The following VCPIP1 variants were observed in gnomAD, a reference collection of about 807,000 sequenced individuals.
The protein encoded by VCPIP1 is deubiquitinating protein VCPIP1.
VCPIP1 carries 8 observed loss-of-function variants against 85.0 expected under a neutral mutation model. The observed-to-expected ratio is 0.09, with a 90% confidence interval of 0.06 to 0.17. VCPIP1 has a LOEUF of 0.17. Ranked by LOEUF, VCPIP1 falls within the 10% of genes least tolerant of loss-of-function variation. The pLI is 1.00. For synonymous variants in VCPIP1, 543 were observed against 544.5 expected (o/e 1.00, Z 0.04); for missense variants, 1,070 against 1,486.3 (o/e 0.72, Z 4.61).
chr8:66,665,711 A>G lies in VCPIP1; in HGVS notation c.1248T>C (p.Ala416=). The G allele has an allele frequency of 6.2e-7, 1 of 1,614,156 alleles. No homozygotes were observed. Among genetic ancestry groups the G allele is most frequent in the Non-Finnish European group, 8.5e-7 (1 of 1,180,008 alleles). Residue 416 remains alanine (A), a synonymous_variant, in exon 1 of 3, where the codon GCT becomes GCC. Coordinates refer to ENST00000310421, the MANE Select transcript of VCPIP1 (RefSeq NM_025054.5). The surrounding 1 kb of genome is among the most constrained non-coding windows in gnomAD (Gnocchi z 4.3). ...QDKYLLRLVA[A]MEEVFMDKHG... is the part of the protein sequence containing the mutation. ...GTTTGTCCATAAAGACTTCTTCCAT[A>G]GCAGCAACAAGCCTAAGTAAGTATT...
intron 1 of VCPIP1, among the ~76,000 whole-genome samples, chr8:66,654,109 T>G (rs539914161): frequency 8.5e-5 from 13 of 152,322 alleles, no homozygotes; most frequent in Non-Finnish European, 5.9e-5. Context: ...ACACAGCTAG[T>G]AAGTGGGAGA....
At position 66,666,206 on chromosome 8, in the gene VCPIP1, G is replaced by A. The variant is rs1321542367; in HGVS notation, c.753C>T (p.Ala251=). The A allele has an allele frequency of 1.2e-6, 2 of 1,613,840 alleles. No individual in the cohort carries two copies. The highest frequency in any genetic ancestry group is 4.5e-5 in the East Asian group (2 of 44,874). The change falls in exon 1 of 3, where the codon GCC becomes GCT. Residue 251 remains alanine, a synonymous_variant. Transcript: ENST00000310421. The surrounding 1 kb of genome is among the most constrained non-coding windows in gnomAD (Gnocchi z 6.3). ...NLKQHFQQHL[A]RYQALFHDFI... The stretch of plus-strand genomic sequence containing the variant: ...AGTCATGGAACAGAGCTTGATATCG[G>A]GCCAGGTGCTGCTGAAAGTGCTGTT...
chr8:66,646,374 C>T (rs1810995782), intron 2 of VCPIP1, among the ~76,000 whole-genome samples: 1 of 152,074 alleles, frequency 6.6e-6, no homozygotes, highest in Non-Finnish European at 1.5e-5. Flanking sequence ...GCCCAAAATG[C>T]ATTTAATACC....
At chr8:66,663,322 T>C (rs1811175968) in intron 1 of VCPIP1, among the ~76,000 whole-genome samples, 1 of 152,124 alleles carries the variant, frequency 6.6e-6, no homozygotes, top group South Asian at 2.1e-4. Context: ...CATATAGTAC[T>C]ATCAGAAAAC....
At chr8:66,657,025 C>A (rs1006387403) in intron 1 of VCPIP1, among the ~76,000 whole-genome samples, 11 of 152,198 alleles carry the variant, frequency 7.2e-5, no homozygotes, top group African/African-American at 2.2e-4. Flanking sequence ...CGTGCCTCAG[C>A]CTCCCGAGTA....
intron 2 of VCPIP1, among the ~76,000 whole-genome samples, chr8:66,645,759 C>CA (rs1179669993): frequency 0.22 from 12,668 of 57,420 alleles, 1,311 homozygotes; most frequent in African/African-American, 0.31. Flanking sequence ...CCTGTCTCTA[C>CA]AAAAAAAAAA....
rs1202228922 is a variant in VCPIP1, at chr8:66,629,703, C to G, written c.*4798G>C. 2 of 152,478 alleles carry G rather than the reference C, an allele frequency of 1.3e-5. No homozygotes were observed. The highest frequency in any genetic ancestry group is 6.5e-5 in the Admixed American group (1 of 15,272). The allele number at this position is 152,478 out of a possible 1,614,324, so 9.4% of individuals were successfully genotyped here. A position where few individuals can be genotyped will look rare whatever the true frequency, so the allele number is the denominator to read the frequency against. ...TCTCTACAAAAAATACAAAAATTAG[C>G]CAGGTGTGGTGGCACATGCCTGTAG... On this transcript the variant is annotated 3_prime_UTR_variant, in exon 3 of 3. Transcript: ENST00000310421.
At chr8:66,635,586 T>A (rs1009541483) in intron 2 of VCPIP1, among the ~76,000 whole-genome samples, 6 of 152,090 alleles carry the variant, frequency 3.9e-5, no homozygotes, top group Admixed American at 6.5e-5. Flanking sequence ...TTTAAAAAAA[T>A]TTTTTTGCTA....
In VCPIP1 at chr8:66,638,966, C is replaced by CTATATATATATA. The variant is rs1352372228; in HGVS notation, c.2798-3595_2798-3594insTATATATATATA. ...TCTCTCTCTCTCTCTCTCTCTCTCT[C>CTATATATATATA]TCTCTATATATATATATATACATAT... is the stretch of plus-strand genomic sequence containing the variant. On this transcript the variant is annotated intron_variant, in intron 2 of 2. Coordinates refer to ENST00000310421, the MANE Select transcript of VCPIP1 (RefSeq NM_025054.5). Among the ~76,000 whole-genome samples, 476 of 130,876 alleles carry CTATATATATATA rather than the reference C, an allele frequency of 3.6e-3. 7 individuals carry two copies. The highest frequency in any genetic ancestry group is 0.016 in the African/African-American group (458 of 28,962). 85.9% of individuals were successfully genotyped at this position (130,876 alleles called of 152,430 possible). A position where few individuals can be genotyped will look rare whatever the true frequency, so the allele number is the denominator to read the frequency against.
rs769025726 is a variant in VCPIP1 at position 66,635,307 on chromosome 8, A to G, written c.2863T>C (p.Ser955Pro). Residue 955 changes from serine to proline, a missense_variant, in exon 3 of 3, where the codon TCT becomes CCT. By Grantham distance (74) the Ser-to-Pro change is moderately conservative (BLOSUM62 -1). Transcript: ENST00000310421. ...LPGKTFVYNA[S>P]EDRLELCVDA... Reference sequence around the variant, plus strand: ...ACACACAATTCCAGTCTATCTTCAGAAGCATTATAGACAAAGGTTTTGCCA... The same window carrying G: ...ACACACAATTCCAGTCTATCTTCAGGAGCATTATAGACAAAGGTTTTGCCA... 3 of 1,614,174 alleles carry G rather than the reference A, an allele frequency of 1.9e-6. No homozygotes were observed. The highest frequency in any genetic ancestry group is 2.5e-6 in the Non-Finnish European group (3 of 1,180,032).
At chr8:66,647,453 A>G (rs1811008405) in intron 2 of VCPIP1, among the ~76,000 whole-genome samples, 1 of 152,028 alleles carries the variant, frequency 6.6e-6, no homozygotes, top group Admixed American at 6.6e-5. Context: ...AAAAAGAAAA[A>G]AAGATGGAGG....
chr8:66,635,676 CTA>C (rs1183016097), intron 2 of VCPIP1, among the ~76,000 whole-genome samples: 1 of 151,682 alleles, frequency 6.6e-6, no homozygotes, highest in African/African-American at 2.4e-5. Flanking sequence ...CTTTGGGAGG[CTA>C]AGGCAGGTGG....
chr8:66,664,039 G>C (rs960116459), intron 1 of VCPIP1, among the ~76,000 whole-genome samples: 13 of 151,866 alleles, frequency 8.6e-5, no homozygotes, highest in African/African-American at 3.1e-4. Context: ...ATTATTGAGG[G>C]ACTACCTTAA....
chr8:66,652,190 C>T (rs554537701), intron 1 of VCPIP1, among the ~76,000 whole-genome samples: 1 of 151,360 alleles, frequency 6.6e-6, no homozygotes, highest in South Asian at 2.1e-4. Flanking sequence ...GATCCTGTTT[C>T]AAAAAAAGAA....
rs1008301972 is a variant in VCPIP1, at chr8:66,629,175, G to A, written c.*5326C>T. ...GCACTCTTCTAATCATCAGATACGT[G>A]TTAACTCATTTAAGACAGCCACCCT... On this transcript the variant is annotated 3_prime_UTR_variant, in exon 3 of 3. Coordinates refer to ENST00000310421, the MANE Select transcript of VCPIP1 (RefSeq NM_025054.5). 2.0e-5 allele frequency: 3 copies of A among 152,114 alleles called. No individual in the cohort carries two copies. In the South Asian group the frequency reaches 6.2e-4, roughly 31 times the overall value. 9.4% of individuals were successfully genotyped at this position (152,114 alleles called of 1,614,324 possible). A position where few individuals can be genotyped will look rare whatever the true frequency, so the allele number is the denominator to read the frequency against.
Position 66,666,653 on chromosome 8 carries a change from C to G in VCPIP1, c.306G>C (p.Ala102=). The change falls in exon 1 of 3, where the codon GCG becomes GCC. Residue 102 remains alanine, a synonymous_variant. Transcript: ENST00000310421. This position sits in a 1 kb window ranked among gnomAD's most constrained non-coding sequence, Gnocchi z 6.3. ...TGGGTGCCCCCGTAACCCCGAGCAG[C>G]GCGTTCCGCAGCAGGTTGTGTAGCA... ...DVVLHNLLRN[A]LLGVTGAPKK... The G allele has an allele frequency of 1.2e-6, 2 of 1,614,212 alleles. No homozygotes were observed. Among genetic ancestry groups the G allele is most frequent in the East Asian group, 4.5e-5 (2 of 44,886 alleles).
Position 66,635,816 on chromosome 8 carries a change from G to A in VCPIP1, c.2798-444C>T, listed in dbSNP as rs150673783. Among the ~76,000 whole-genome samples, 784 of 151,732 alleles carry A rather than the reference G, an allele frequency of 5.2e-3. 5 individuals carry two copies. Among genetic ancestry groups the A allele is most frequent in the African/African-American group, 0.018 (739 of 41,306 alleles). ...TAATCCCAGCTACTTGGGAGGCTGA[G>A]GCAGGAGACTCACTTGAACCTGGGA... On this transcript the variant is annotated intron_variant, in intron 2 of 2. Coordinates refer to ENST00000310421, the MANE Select transcript of VCPIP1 (RefSeq NM_025054.5).
At position 66,664,982 on chromosome 8, in the gene VCPIP1, A is replaced by G. The variant is rs1214950090; in HGVS notation, c.1977T>C (p.Asn659=). Residue 659 remains asparagine (N), a synonymous_variant, in exon 1 of 3, where the codon AAT becomes AAC. Transcript: ENST00000310421. The part of the protein sequence containing the change: ...HTILHQTAKK[N]PDDYTPVNID... ...TATTTACAGGAGTATAATCATCGGGATTCTTTTTGGCAGTCTGATGCAATA... is the reference window on the plus strand; with the variant it reads ...TATTTACAGGAGTATAATCATCGGGGTTCTTTTTGGCAGTCTGATGCAATA... 3 of 1,613,344 alleles carry G rather than the reference A, an allele frequency of 1.9e-6. No homozygotes were observed. In the East Asian group the frequency reaches 6.7e-5, roughly 36 times the overall value.
chr8:66,664,818 C>T lies in VCPIP1; in HGVS notation c.2141G>A (p.Arg714Lys), dbSNP rs993757716. The T allele has an allele frequency of 1.2e-6, 2 of 1,612,852 alleles. No individual in the cohort carries two copies. Among genetic ancestry groups the T allele is most frequent in the Admixed American group, 1.7e-5 (1 of 59,596 alleles). ...TTCCGTAATATTCTGTTGAATAGTT[C>T]TTTCAGTTTTACTCATGTTTAACTC... ...KEELNMSKTE[R>K]TIQQNITEQA... Residue 714 changes from arginine to lysine, a missense_variant, in exon 1 of 3, where the codon AGA (arginine) becomes AAA (lysine). Coordinates refer to ENST00000310421, the MANE Select transcript of VCPIP1 (RefSeq NM_025054.5).
Sources: gnomAD v4.1 joint callset for allele counts (sites outside exome capture counted in the v4.1 genomes callset) on GRCh38, gnomAD v4.1.1 for gene constraint, Gnocchi (gnomAD v3.1) non-coding constraint, MANE v1.5 for transcripts, NCBI Gene and HGNC (gene_info 2026-07-23, HGNC 2026-07-21) for gene names.